The following SORBS2 variants were observed in gnomAD, a reference collection of about 807,000 sequenced individuals.
SORBS2 encodes the protein sorbin and SH3 domain-containing protein 2.
In SORBS2, 46 loss-of-function variants were observed where a neutral mutation model predicts 97.7. That is an observed-to-expected ratio of 0.47 (90% CI 0.37 to 0.60). The LOEUF is 0.60. Ranked by LOEUF, SORBS2 falls within the 20% of genes least tolerant of loss-of-function variation. SORBS2 has a pLI of 0.00. For synonymous variants in SORBS2, 476 were observed against 473.4 expected, an observed-to-expected ratio of 1.01 and a Z score of -0.07; for missense variants, 1,316 against 1,282.3, an observed-to-expected ratio of 1.03 and a Z score of -0.40.
At chr4:185,915,704 C>A (rs1185325828) in intron 1 of SORBS2, among the ~76,000 whole-genome samples, 2 of 151,762 alleles carry the variant, frequency 1.3e-5, no homozygotes, top group Non-Finnish European at 2.9e-5. Context: ...GTCCTTCTGC[C>A]CCCCACCCCC....
intron 3 of SORBS2, 71 bp downstream of exon 12, chr4:185,649,396 C>T: frequency 1.6e-6 from 2 of 1,286,188 alleles, no homozygotes; most frequent in East Asian, 2.8e-5. Context: ...ACTGATTCTT[C>T]TACTGAATGC....
intron 1 of SORBS2, among the ~76,000 whole-genome samples, chr4:185,872,401 G>C (rs2099230894): frequency 6.6e-6 from 1 of 152,178 alleles, no homozygotes; most frequent in African/African-American, 2.4e-5. Flanking sequence ...ATCTGTACAA[G>C]GGGGATACTA....
Position 185,623,538 on chromosome 4 carries a change from A to G in SORBS2, c.1591T>C (p.Phe531Leu). 6.2e-7 allele frequency: 1 copy of G among 1,614,026 alleles called. No individual in the cohort carries two copies. Among genetic ancestry groups the G allele is most frequent in the South Asian group, 1.1e-5 (1 of 91,062 alleles). Residue 531 changes from phenylalanine (F) to leucine (L), a missense_variant, in exon 7 of 15, where the codon TTT becomes CTT. Physicochemically the swap from Phe to Leu is conservative, Grantham distance 22 (BLOSUM62 0). Transcript: ENST00000418609. The surrounding 1 kb of genome is among the most constrained non-coding windows in gnomAD (Gnocchi z 6.4). The stretch of plus-strand genomic sequence containing the variant: ...AAGCTTTCGGAGGATGTGAAGGAAA[A>G]GTGATCAAAGTCACTTTCACTGCAG...
In SORBS2 at chr4:185,856,237, C is replaced by T. The variant is rs143260163; in HGVS notation, c.-337-80871G>A. ...AAAGATCATGGGTTTCATGATCAGG[C>T]CAGATTCTAATTTCATTCTTCCCAC... On this transcript the variant is annotated intron_variant, in intron 1 of 20. Coordinates refer to the SORBS2 transcript ENST00000284776. Among the ~76,000 whole-genome samples the T allele has an allele frequency of 1.1e-3, 174 of 152,218 alleles. 1 individual carries two copies. Among genetic ancestry groups the T allele is most frequent in the African/African-American group, 4.1e-3 (170 of 41,514 alleles).
intron 1 of SORBS2, among the ~76,000 whole-genome samples, chr4:185,930,286 T>TTTTTG (rs571706557): frequency 0.017 from 2,539 of 152,004 alleles, 39 homozygotes; most frequent in Non-Finnish European, 0.025. Context: ...GATAGAGGTT[T>TTTTTG]TTTTGTTTTG....
intron 1 of SORBS2, among the ~76,000 whole-genome samples, chr4:185,924,734 A>C (rs1809174): frequency 0.63 from 95,689 of 151,928 alleles, 30,314 homozygotes; most frequent in East Asian, 0.73. Flanking sequence ...CCTCCTCCAG[A>C]CTCCTCATAT....
chr4:185,635,707 T>A (rs2096985033), intron 4 of SORBS2, among the ~76,000 whole-genome samples: 1 of 152,198 alleles, frequency 6.6e-6, no homozygotes, highest in Non-Finnish European at 1.5e-5. Context: ...CACAGAGGAA[T>A]GCAAGGTAAA....
intron 1 of SORBS2, among the ~76,000 whole-genome samples, chr4:185,921,590 A>T (rs1229515797): frequency 6.6e-6 from 1 of 152,348 alleles, no homozygotes; most frequent in African/African-American, 2.4e-5. Flanking sequence ...TGGCTGATAC[A>T]ACAAGACCCT....
intron 2 of SORBS2, among the ~76,000 whole-genome samples, chr4:185,743,424 C>T (rs954369736): frequency 6.6e-6 from 1 of 152,098 alleles, no homozygotes; most frequent in Non-Finnish European, 1.5e-5. Context: ...GACAAATAGC[C>T]CTTCGGAAGC....
At chr4:185,881,799 C>T (rs550414470) in intron 1 of SORBS2, among the ~76,000 whole-genome samples, 40 of 152,078 alleles carry the variant, frequency 2.6e-4, no homozygotes, top group African/African-American at 9.4e-4. Flanking sequence ...ATAAACATAA[C>T]AATGTAACCA....
Position 185,833,350 on chromosome 4 carries a change from A to C in SORBS2, c.-337-57984T>G, listed in dbSNP as rs149991346. On this transcript the variant is annotated intron_variant, in intron 1 of 20. Transcript: ENST00000284776. ...AAGTCCAGCAAAGCTTAAGCATTCC[A>C]GAACCTGGTAATTCAAATTAATTAC... Among the ~76,000 whole-genome samples, 137 of 152,356 alleles carry C rather than the reference A, an allele frequency of 9.0e-4. 2 individuals are homozygous for C. The highest frequency in any genetic ancestry group is 3.2e-3 in the African/African-American group (134 of 41,586).
intron 1 of SORBS2, among the ~76,000 whole-genome samples, chr4:185,952,954 T>C (rs905427037): frequency 6.6e-6 from 1 of 152,112 alleles, no homozygotes; most frequent in Non-Finnish European, 1.5e-5. Flanking sequence ...GCTTCGAACT[T>C]CATTTTGGCC....
At chr4:185,641,885 A>C (rs1458701615) in intron 4 of SORBS2, among the ~76,000 whole-genome samples, 1 of 152,182 alleles carries the variant, frequency 6.6e-6, no homozygotes, top group African/African-American at 2.4e-5. Context: ...CTTAAAAGCT[A>C]CCAAGGGTGA....
intron 1 of SORBS2, among the ~76,000 whole-genome samples, chr4:185,887,582 A>G (rs778001109): frequency 6.6e-6 from 1 of 152,180 alleles, no homozygotes; most frequent in Non-Finnish European, 1.5e-5. Flanking sequence ...TTTTTTTGCA[A>G]GTGATTTGAA....
chr4:185,951,333 T>C (rs2099277131), intron 1 of SORBS2, among the ~76,000 whole-genome samples: 1 of 152,172 alleles, frequency 6.6e-6, no homozygotes, highest in African/African-American at 2.4e-5. Context: ...CAAATGGCTG[T>C]GTTCTCTGAT....
intron 2 of SORBS2, among the ~76,000 whole-genome samples, chr4:185,720,622 T>G: frequency 6.6e-6 from 1 of 152,124 alleles, no homozygotes; most frequent in African/African-American, 2.4e-5. Flanking sequence ...GGGCCTCCGG[T>G]ACCCAGGTGC....
rs139261907 is a variant in SORBS2, at chr4:185,837,622, C to T, written c.-337-62256G>A. 3.1e-3 allele frequency among the ~76,000 whole-genome samples: 468 copies of T among 152,198 alleles called. 2 individuals carry two copies. The highest frequency in any genetic ancestry group is 0.011 in the African/African-American group (446 of 41,532). ...GATTATTCCTATTTAAACTTAGAAA[C>T]GGAACCTCTAATACAATTGTTAACA... is the stretch of plus-strand genomic sequence containing the variant. On this transcript the variant is annotated intron_variant, in intron 1 of 20. Transcript: ENST00000284776.
At chr4:185,904,895 G>A (rs377708315) in intron 1 of SORBS2, among the ~76,000 whole-genome samples, 1 of 151,948 alleles carries the variant, frequency 6.6e-6, no homozygotes, top group Non-Finnish European at 1.5e-5. Flanking sequence ...ACCTGAGGTC[G>A]GGGGTTCGAG....
intron 1 of SORBS2, among the ~76,000 whole-genome samples, chr4:185,898,882 G>A (rs1250114776): frequency 6.6e-6 from 1 of 152,138 alleles, no homozygotes; most frequent in African/African-American, 2.4e-5. Context: ...TAACCCACAC[G>A]ATATTGTGGA....
Sources: allele counts gnomAD v4.1 joint callset (sites outside exome capture counted in the v4.1 genomes callset), GRCh38; gene constraint gnomAD v4.1.1; non-coding constraint Gnocchi (gnomAD v3.1); transcripts MANE v1.5; gene names NCBI Gene and HGNC (gene_info 2026-07-23, HGNC 2026-07-21).